Variants in OSBPL10 observed in about 807,000 individuals in gnomAD.
The protein encoded by OSBPL10 is oxysterol binding protein like 10, also known as oxysterol-binding protein-related protein 10.
In OSBPL10, 49 loss-of-function variants were observed where a neutral mutation model predicts 81.7. The ratio of observed to expected loss-of-function variants is 0.60; its 90% CI spans 0.48 to 0.76. OSBPL10 has a LOEUF of 0.76. Ranked by LOEUF, OSBPL10 falls within the 30% of genes least tolerant of loss-of-function variation. The pLI is 0.00. For missense variants in OSBPL10, 923 were observed against 987.8 expected (o/e 0.93, Z 0.88); for synonymous variants, 419 against 383.6 (o/e 1.09, Z -1.08).
intron 2 of OSBPL10, among the ~76,000 whole-genome samples, chr3:32,035,227 G>A (rs1699505996): frequency 6.6e-6 from 1 of 152,060 alleles, no homozygotes; most frequent in Non-Finnish European, 1.5e-5. Context: ...GAAAGAAAAT[G>A]TACTTTATAG....
intron 3 of OSBPL10, among the ~76,000 whole-genome samples, chr3:31,835,375 C>T (rs1700338708): frequency 7.9e-6 from 1 of 126,076 alleles, no homozygotes; most frequent in Non-Finnish European, 1.8e-5. Context: ...TAGAAAAGAT[C>T]AGCTGGTCCT....
At chr3:31,831,600 CA>C (rs1434124499) in intron 3 of OSBPL10, among the ~76,000 whole-genome samples, 1 of 151,770 alleles carries the variant, frequency 6.6e-6, no homozygotes, top group Middle Eastern at 3.2e-3. Flanking sequence ...AGACAGCTTA[CA>C]AAAAAAGAAA....
At position 31,989,205 on chromosome 3, in the gene OSBPL10, C is replaced by G. The variant is rs572072037; in HGVS notation, n.298+57286G>C. On this transcript the variant is annotated intron_variant and non_coding_transcript_variant, in intron 2 of 3. Coordinates refer to the OSBPL10 transcript ENST00000479173. The stretch of plus-strand genomic sequence containing the variant: ...CTTTGGAGGAGTGGAAATGCCTGGA[C>G]CCTACGCAGAGGGCTTTATACAGGG... 4.3e-6 allele frequency: 7 copies of G among 1,614,038 alleles called. No individual in the cohort carries two copies. The East Asian group carries it at 1.6e-4, about 36-fold the overall frequency.
intron 2 of OSBPL10, chr3:31,990,095 A>G: frequency 6.2e-7 from 1 of 1,611,738 alleles, no homozygotes; most frequent in South Asian, 1.1e-5. Context: ...CATACTGGAG[A>G]GAAACCATAC....
intron 4 of OSBPL10, among the ~76,000 whole-genome samples, chr3:31,778,393 G>GCCTC (rs1459224105): frequency 2.6e-5 from 4 of 152,164 alleles, no homozygotes; most frequent in African/African-American, 9.7e-5. Flanking sequence ...AACCCTGCCT[G>GCCTC]CCTCCACCTG....
intron 1 of OSBPL10, among the ~76,000 whole-genome samples, chr3:31,943,908 G>A (rs1165595853): frequency 2.9e-5 from 4 of 136,000 alleles, no homozygotes; most frequent in East Asian, 2.2e-4. Context: ...GCGGAGGTTC[G>A]AGTGAGCTGA....
chr3:31,871,886 G>A (rs13075512), intron 3 of OSBPL10, among the ~76,000 whole-genome samples: 11,905 of 152,066 alleles, frequency 0.078, 542 homozygotes, highest in Middle Eastern at 0.12. Context: ...ACATGCACAC[G>A]CACACACATG....
At chr3:31,728,107 A>AT (rs1696866345) in intron 6 of OSBPL10, among the ~76,000 whole-genome samples, 1 of 152,162 alleles carries the variant, frequency 6.6e-6, no homozygotes, top group African/African-American at 2.4e-5. Context: ...CAATTATGCA[A>AT]TTTTTTAACC....
chr3:31,830,225 G>A lies in OSBPL10; in HGVS notation c.544C>T (p.Pro182Ser), dbSNP rs773602524. 1 of 1,613,154 alleles carries A rather than the reference G, an allele frequency of 6.2e-7. No homozygotes were observed. The highest frequency in any genetic ancestry group is 2.2e-5 in the East Asian group (1 of 44,874). ...YHMEMNSKSA[P>S]SSRSRSLTLL... The stretch of plus-strand genomic sequence containing the variant: ...GTGAGACTTCGGCTTCGGGAGCTTG[G>A]AGCACTCTAGAATAAGCAACAGGTG... Residue 182 changes from proline to serine, a missense_variant, in exon 4 of 12, where the codon CCA becomes TCA. Around this residue, in one of 3 missense-constraint regions of OSBPL10, gnomAD observed 514 missense variants for 508.0 expected, o/e 1.01. Coordinates refer to ENST00000396556, the MANE Select transcript of OSBPL10 (RefSeq NM_017784.5).
intron 1 of OSBPL10, chr3:31,969,408 T>C (rs1171167657): frequency 6.6e-6 from 1 of 152,280 alleles, no homozygotes; most frequent in African/African-American, 2.4e-5. Context: ...CTTACAGCTC[T>C]GGAACAGTTA....
intron 2 of OSBPL10, among the ~76,000 whole-genome samples, chr3:32,035,800 G>C (rs963111207): frequency 6.6e-6 from 1 of 152,080 alleles, no homozygotes; most frequent in African/African-American, 2.4e-5. Context: ...AAAATATTAT[G>C]ATATAAAATG....
chr3:31,662,122 AGAG>A lies in OSBPL10; in HGVS notation c.2251-9_2251-7del, dbSNP rs1041329161. 5 of 1,613,990 alleles carry A rather than the reference AGAG, an allele frequency of 3.1e-6. No homozygotes were observed. The African/African-American group carries it at 5.3e-5, about 17-fold the overall frequency. On this transcript the variant is annotated splice_region_variant and splice_polypyrimidine_tract_variant and intron_variant, in intron 11 of 11. Coordinates refer to ENST00000396556, the MANE Select transcript of OSBPL10 (RefSeq NM_017784.5). ...AAGTATACCCAGCCATCGCCCTGCA[AGAG>A]AAGAAAGGAGGCATTATTACATGGA... is the stretch of plus-strand genomic sequence containing the variant.
At chr3:31,695,630 C>A (rs1695695009) in intron 7 of OSBPL10, among the ~76,000 whole-genome samples, 1 of 152,222 alleles carries the variant, frequency 6.6e-6, no homozygotes, top group Non-Finnish European at 1.5e-5. Context: ...ATATCTCAAT[C>A]TGGCAGCTCA....
intron 1 of OSBPL10, among the ~76,000 whole-genome samples, chr3:31,911,683 T>A (rs1333155818): frequency 6.6e-6 from 1 of 151,960 alleles, no homozygotes; most frequent in Non-Finnish European, 1.5e-5. Context: ...TGGGCTGCAT[T>A]CAAAGCTGTC....
chr3:31,711,371 A>T (rs895566135), intron 6 of OSBPL10, among the ~76,000 whole-genome samples: 3 of 152,210 alleles, frequency 2.0e-5, no homozygotes, highest in African/African-American at 7.2e-5. Flanking sequence ...TAGTAATATC[A>T]GCCAGTGGCT....
At chr3:32,055,762 G>T (rs1699705833) in intron 1 of OSBPL10, among the ~76,000 whole-genome samples, 1 of 152,052 alleles carries the variant, frequency 6.6e-6, no homozygotes, top group South Asian at 2.1e-4. Flanking sequence ...CGGAAAACTG[G>T]CCACATATCT....
intron 3 of OSBPL10, among the ~76,000 whole-genome samples, chr3:31,873,546 T>C (rs769909551): frequency 2.0e-5 from 3 of 152,222 alleles, no homozygotes; most frequent in Non-Finnish European, 2.9e-5. Context: ...AGCACCATTT[T>C]ACCTAATATT....
chr3:31,702,274 C>A, intron 7 of OSBPL10, 85 bp downstream of exon 7: 1 of 1,479,680 alleles, frequency 6.8e-7, no homozygotes. Context: ...CTCACCACAA[C>A]GAAAAGAATG....
rs1698822014 is a variant in OSBPL10, at chr3:31,980,949, G to A, written c.231C>T (p.Leu77=). 5 of 1,577,966 alleles carry A rather than the reference G, an allele frequency of 3.2e-6. No individual in the cohort carries two copies. The highest frequency in any genetic ancestry group is 3.4e-6 in the Non-Finnish European group (4 of 1,165,906). ...TGGTGTATTTGCTGAGCACGCCCTCGAGCGCCGGCTCCCTCCTGCGGCCGC... is the reference window on the plus strand; with the variant it reads ...TGGTGTATTTGCTGAGCACGCCCTCAAGCGCCGGCTCCCTCCTGCGGCCGC... ...GGGGRRREPA[L]EGVLSKYTNL... is the part of the protein sequence containing the mutation. The change falls in exon 1 of 12, where the codon CTC becomes CTT. Residue 77 remains leucine (L), a synonymous_variant. Coordinates refer to ENST00000396556, the MANE Select transcript of OSBPL10 (RefSeq NM_017784.5).
Sources: allele counts gnomAD v4.1 joint callset (sites outside exome capture counted in the v4.1 genomes callset), GRCh38; gene constraint gnomAD v4.1.1; regional missense constraint gnomAD v4.1.1; transcripts MANE v1.5; gene names NCBI Gene and HGNC (gene_info 2026-07-23, HGNC 2026-07-21).